SBF2: variants seen among roughly 807,000 people sequenced by gnomAD.
The protein encoded by SBF2 is myotubularin-related protein 13.
SBF2 carries 112 observed loss-of-function variants against 225.2 expected under a neutral mutation model. The observed-to-expected ratio is 0.50, with a 90% CI of 0.43 to 0.58. The LOEUF (loss-of-function observed/expected upper bound fraction) is 0.58, where lower values mean the gene tolerates loss of function less well. Among genes scored for constraint, SBF2 ranks in the 20% least tolerant of loss-of-function variants. The probability of loss-of-function intolerance (pLI) is 0.00; values close to 1 mark genes in which losing one functional copy is unlikely to be tolerated. For missense variants in SBF2, 1,996 were observed against 2,206.2 expected, an observed-to-expected ratio of 0.90 and a Z score of 1.91; for synonymous variants, 763 against 773.3, an observed-to-expected ratio of 0.99 and a Z score of 0.22.
chr11:10,011,171 T>A (rs565890882), intron 6 of SBF2, among the ~76,000 whole-genome samples: 33 of 152,296 alleles, frequency 2.2e-4, no homozygotes, highest in African/African-American at 7.9e-4. Flanking sequence ...TCGTGTGAAA[T>A]CGAATTATTA....
chr11:9,926,275 G>C (rs1864037479), intron 16 of SBF2, among the ~76,000 whole-genome samples: 1 of 151,738 alleles, frequency 6.6e-6, no homozygotes, highest in Non-Finnish European at 1.5e-5. Flanking sequence ...AAACCTTTTT[G>C]TCACTGGTGA....
chr11:10,081,923 T>C (rs915074746), intron 2 of SBF2, among the ~76,000 whole-genome samples: 7 of 151,460 alleles, frequency 4.6e-5, no homozygotes, highest in Non-Finnish European at 7.4e-5. Flanking sequence ...AAATAAAACA[T>C]AAAGGATCAA....
chr11:9,932,368 G>A (rs186355734), intron 16 of SBF2, among the ~76,000 whole-genome samples: 137 of 152,222 alleles, frequency 9.0e-4, no homozygotes, highest in African/African-American at 3.2e-3. Flanking sequence ...AAAATGTTAC[G>A]GGCAGCCAGA....
Position 9,880,084 on chromosome 11 carries a change from T to TAAAAAAAA in SBF2, c.1929+15851_1929+15858dup, listed in dbSNP as rs58140393. Among the ~76,000 whole-genome samples the TAAAAAAAA allele has an allele frequency of 8.3e-4, 43 of 52,002 alleles. 8 individuals are homozygous for TAAAAAAAA. Among genetic ancestry groups the TAAAAAAAA allele is most frequent in the African/African-American group, 2.7e-3 (35 of 13,098 alleles). 34.1% of individuals were successfully genotyped at this position (52,002 alleles called of 152,430 possible). ...GGACAATGAGTGAGACTCTGTCTCA[T>TAAAAAAAA]AAAAAAAAAAAAAAAAAAAAAAAAA... is the stretch of plus-strand genomic sequence containing the variant. On this transcript the variant is annotated intron_variant, in intron 17 of 39. Transcript: ENST00000256190.
rs368406349 is a variant in SBF2 at position 10,011,040 on chromosome 11, A to G, written c.620-8351T>C. ...TCACTCATGATTTGGCTGTTTGTCT[A>G]TTAGTGGTGTATAGGAATGCTTGAG... On this transcript the variant is annotated intron_variant, in intron 6 of 39. Coordinates refer to ENST00000256190, the MANE Select transcript of SBF2 (RefSeq NM_030962.4). Among the ~76,000 whole-genome samples, 3 of 152,222 alleles carry G rather than the reference A, an allele frequency of 2.0e-5. No homozygotes were observed. In the South Asian group the frequency reaches 6.2e-4, roughly 32 times the overall value.
intron 2 of SBF2, among the ~76,000 whole-genome samples, chr11:10,077,872 T>G (rs746601547): frequency 6.6e-6 from 1 of 152,162 alleles, no homozygotes; most frequent in Non-Finnish European, 1.5e-5. Flanking sequence ...AGGAGAAAAT[T>G]TCTGCAAACT....
intron 1 of SBF2, among the ~76,000 whole-genome samples, chr11:10,252,312 C>T (rs1431168634): frequency 6.6e-6 from 1 of 152,198 alleles, no homozygotes; most frequent in Non-Finnish European, 1.5e-5. Flanking sequence ...TTAAAGCAAA[C>T]CAAATATGGC....
intron 10 of SBF2, among the ~76,000 whole-genome samples, chr11:9,993,655 CTCTGATTT>C (rs1360864134): frequency 1.3e-5 from 2 of 152,286 alleles, no homozygotes; most frequent in Admixed American, 1.3e-4. Flanking sequence ...ATAATCTAGG[CTCTGATTT>C]TCTGTCCTAC....
At chr11:10,010,254 C>T (rs1256443016) in intron 6 of SBF2, among the ~76,000 whole-genome samples, 4 of 152,110 alleles carry the variant, frequency 2.6e-5, no homozygotes, top group Admixed American at 2.0e-4. Context: ...AATTAGATCC[C>T]ATTTGTCTAT....
chr11:10,208,827 A>T (rs767656741), intron 1 of SBF2, among the ~76,000 whole-genome samples: 1 of 152,120 alleles, frequency 6.6e-6, no homozygotes, highest in Non-Finnish European at 1.5e-5. Flanking sequence ...GAAAAAAAAT[A>T]CAACTGAAAA....
chr11:9,867,253 C>T (rs897739798), intron 17 of SBF2, among the ~76,000 whole-genome samples: 1 of 152,052 alleles, frequency 6.6e-6, no homozygotes, highest in African/African-American at 2.4e-5. Context: ...TAAATATATA[C>T]ACCTACTATG....
chr11:10,219,500 A>C (rs746866048), intron 1 of SBF2, among the ~76,000 whole-genome samples: 6 of 151,862 alleles, frequency 4.0e-5, no homozygotes, highest in Non-Finnish European at 7.4e-5. Flanking sequence ...CATTTTCCCC[A>C]TTGTCTTGGT....
intron 2 of SBF2, among the ~76,000 whole-genome samples, chr11:10,122,949 C>T (rs908843189): frequency 3.9e-5 from 6 of 152,124 alleles, no homozygotes; most frequent in Non-Finnish European, 4.4e-5. Context: ...CATGTAGTTA[C>T]ACACACACAT....
Position 10,183,845 on chromosome 11 carries a change from G to A in SBF2, c.141+10057C>T, listed in dbSNP as rs901514890. On this transcript the variant is annotated intron_variant, in intron 2 of 39. Coordinates refer to ENST00000256190, the MANE Select transcript of SBF2 (RefSeq NM_030962.4). ...GTTATTAGAGGCTGGGAAGGATGTG[G>A]GGAGGGAAGGAAAGGAAGAGATTGG... Among the ~76,000 whole-genome samples the A allele has an allele frequency of 2.0e-5, 3 of 152,190 alleles. 1 individual carries two copies. In the South Asian group the frequency reaches 6.2e-4, roughly 31 times the overall value.
intron 1 of SBF2, among the ~76,000 whole-genome samples, chr11:10,236,146 AT>A (rs1462570577): frequency 2.0e-5 from 3 of 152,166 alleles, no homozygotes; most frequent in Non-Finnish European, 4.4e-5. Context: ...CGAACAAAGA[AT>A]ATCTGAAATA....
chr11:9,780,802 A>C (rs1851955345), intron 39 of SBF2: 3 of 425,348 alleles, frequency 7.1e-6, no homozygotes, highest in South Asian at 4.2e-5. Flanking sequence ...AAGGGTCAGC[A>C]ATGAATGGTG....
chr11:9,971,587 G>A (rs115307814), intron 13 of SBF2, among the ~76,000 whole-genome samples: 277 of 152,272 alleles, frequency 1.8e-3, no homozygotes, highest in African/African-American at 6.2e-3. Context: ...ACTGAGGGAG[G>A]AGGATAGTTT....
chr11:9,794,676 CAAAAAAAAAAAAAAA>C lies in SBF2; in HGVS notation c.4570+1140_4570+1154del, dbSNP rs575749593. 1.3e-3 allele frequency among the ~76,000 whole-genome samples: 47 copies of C among 35,356 alleles called. 1 individual carries two copies. Among genetic ancestry groups the C allele is most frequent in the Admixed American group, 5.8e-3 (10 of 1,710 alleles). The allele number at this position is 35,356 out of a possible 152,430, so 23.2% of individuals were successfully genotyped here. On this transcript the variant is annotated intron_variant, in intron 33 of 39. Coordinates refer to ENST00000256190, the MANE Select transcript of SBF2 (RefSeq NM_030962.4). ...TGATACAGTGAGTGGGACTCCGTCT[CAAAAAAAAAAAAAAA>C]AAAAAAAAAAAAAAAAGACCAGGCC...
At chr11:9,881,979 C>T (rs1227294723) in intron 17 of SBF2, among the ~76,000 whole-genome samples, 1 of 152,076 alleles carries the variant, frequency 6.6e-6, no homozygotes. Context: ...TAGAGTGAGA[C>T]CTTGTGTTTA....
Sources: allele counts gnomAD v4.1 joint callset (sites outside exome capture counted in the v4.1 genomes callset), GRCh38; gene constraint gnomAD v4.1.1; transcripts MANE v1.5; gene names NCBI Gene and HGNC (gene_info 2026-07-23, HGNC 2026-07-21).